WDFY3: variants seen among roughly 807,000 people sequenced by gnomAD.
WDFY3 encodes the protein WD repeat and FYVE domain containing 3.
A neutral mutation model predicts 409.6 loss-of-function variants in WDFY3; 66 were observed. That is an observed-to-expected ratio of 0.16 (90% confidence interval 0.13 to 0.20). The LOEUF (loss-of-function observed/expected upper bound fraction) is 0.20, where lower values mean the gene tolerates loss of function less well. WDFY3 is among the 10% of genes least tolerant of loss of function. The pLI, the probability that WDFY3 is intolerant of heterozygous loss-of-function variation, is 1.00. For synonymous variants in WDFY3, 1,521 were observed against 1,537.1 expected, an observed-to-expected ratio of 0.99 and a Z score of 0.25; for missense variants, 3,031 against 4,298.1, an observed-to-expected ratio of 0.71 and a Z score of 8.24.
intron 5 of WDFY3, among the ~76,000 whole-genome samples, chr4:84,845,498 G>C (rs750237035): frequency 3.3e-5 from 5 of 152,090 alleles, no homozygotes; most frequent in Non-Finnish European, 7.4e-5. Context: ...CTAGAGATCT[G>C]CTGTACAGCA....
intron 62 of WDFY3, among the ~76,000 whole-genome samples, chr4:84,686,498 A>T (rs1450511647): frequency 6.6e-6 from 1 of 152,140 alleles, no homozygotes; most frequent in Non-Finnish European, 1.5e-5. Flanking sequence ...TGACTACAAG[A>T]TAGTTGACTA....
chr4:84,674,867 C>CA (rs1387853601), intron 67 of WDFY3, among the ~76,000 whole-genome samples: 1 of 149,806 alleles, frequency 6.7e-6, no homozygotes. Context: ...GACTCCGTCT[C>CA]AAAAAAAATA....
rs529113726 is a variant in WDFY3 at position 84,796,567 on chromosome 4, C to T, written c.3121G>A (p.Val1041Ile). ...TCAAATTCAACAAAAGCTGGAGTAACTGATGACCCATGAAGTCTGATGTCA... is the reference window on the plus strand; with the variant it reads ...TCAAATTCAACAAAAGCTGGAGTAATTGATGACCCATGAAGTCTGATGTCA... The part of the protein sequence containing the change: ...PHDIRLHGSS[V>I]TPAFVEFDTS... Residue 1041 changes from valine (V) to isoleucine (I), a missense_variant, in exon 19 of 68, where the codon GTT becomes ATT. This residue lies in a region of WDFY3 where 1,322 missense variants were observed against 1,697.9 expected (regional missense o/e 0.78). Transcript: ENST00000295888. The T allele has an allele frequency of 1.2e-4, 190 of 1,608,520 alleles. 1 individual carries two copies. In the South Asian group the frequency reaches 2.0e-3, roughly 17 times the overall value.
chr4:84,766,434 A>G (rs1488868149), intron 30 of WDFY3, 62 bp from the exon 31 acceptor site: 3 of 1,465,776 alleles, frequency 2.0e-6, no homozygotes, highest in Non-Finnish European at 2.7e-6. Context: ...AATTTACAAC[A>G]TAGTTCTTGG....
In WDFY3 at chr4:84,801,820, G is replaced by C. The variant is rs529314325; in HGVS notation, c.2652C>G (p.Ser884=). 1 of 1,614,030 alleles carries C rather than the reference G, an allele frequency of 6.2e-7. No individual in the cohort carries two copies. The highest frequency in any genetic ancestry group is 1.1e-5 in the South Asian group (1 of 91,076). ...GCTGGTTCCTTTCTGTGTGCACCAG[G>C]GATTGTAAAATATTTGCCACGGCAA... The part of the protein sequence containing the change: ...LQLAVANILQ[S]LVHTERNQQV... The change falls in exon 17 of 68, where the codon TCC becomes TCG. Residue 884 remains serine, a synonymous_variant. Transcript: ENST00000295888.
At chr4:84,905,243 A>G (rs1316882472) in intron 2 of WDFY3, among the ~76,000 whole-genome samples, 1 of 152,196 alleles carries the variant, frequency 6.6e-6, no homozygotes, top group Admixed American at 6.5e-5. Context: ...GGCCGAGGCA[A>G]GAGAATAGCT....
At chr4:84,783,157 T>C (rs1026525871) in intron 24 of WDFY3, 83 bp from the exon 25 acceptor site, 1 of 1,232,234 alleles carries the variant, frequency 8.1e-7, no homozygotes, top group African/African-American at 1.5e-5. Flanking sequence ...AACACATGAA[T>C]GGTAACATAT....
chr4:84,963,377 ATGATGCCACTGCACTCCAGCC>A (rs1425171745), intron 1 of WDFY3, among the ~76,000 whole-genome samples: 1 of 151,390 alleles, frequency 6.6e-6, no homozygotes, highest in East Asian at 2.0e-4. Flanking sequence ...GTGAGCCCAG[ATGATGCCACTGCACTCCAGCC>A]TGGGCAACAC....
At chr4:84,926,864 A>C (rs1770062755) in intron 2 of WDFY3, among the ~76,000 whole-genome samples, 1 of 152,226 alleles carries the variant, frequency 6.6e-6, no homozygotes, top group South Asian at 2.1e-4. Context: ...TCTAAGAAAA[A>C]AATTATCAAT....
intron 3 of WDFY3, among the ~76,000 whole-genome samples, chr4:84,876,083 T>C (rs998122038): frequency 6.6e-6 from 1 of 152,240 alleles, no homozygotes; most frequent in Non-Finnish European, 1.5e-5. Flanking sequence ...TTGTATGTGC[T>C]ATACTTTCAT....
chr4:84,742,052 T>G (rs1014201952), intron 37 of WDFY3, 131 bp from the exon 38 acceptor site: 1 of 727,576 alleles, frequency 1.4e-6, no homozygotes, highest in Middle Eastern at 2.6e-4. Context: ...CTACTAGCTT[T>G]TATGCACTAC....
At chr4:84,817,767 G>A (rs939864298) in intron 12 of WDFY3, among the ~76,000 whole-genome samples, 182 bp from the exon 13 acceptor site, 2 of 152,058 alleles carry the variant, frequency 1.3e-5, no homozygotes, top group African/African-American at 4.8e-5. Context: ...TGTCAGCAAA[G>A]GTATATGCAA....
chr4:84,694,792 A>C (rs1196338956), intron 58 of WDFY3, among the ~76,000 whole-genome samples: 1 of 152,160 alleles, frequency 6.6e-6, no homozygotes, highest in Non-Finnish European at 1.5e-5. Flanking sequence ...TAAAAATAAA[A>C]GTAAACATGT....
chr4:84,744,131 A>C (rs1370787352), intron 36 of WDFY3, among the ~76,000 whole-genome samples: 2 of 148,212 alleles, frequency 1.3e-5, no homozygotes, highest in Non-Finnish European at 3.0e-5. Context: ...ACTATATATA[A>C]TATTGTTATA....
chr4:84,869,460 G>T (rs993746143), intron 3 of WDFY3, among the ~76,000 whole-genome samples: 6 of 151,962 alleles, frequency 3.9e-5, no homozygotes, highest in Non-Finnish European at 7.4e-5. Flanking sequence ...TTGGGTTGCT[G>T]GGTACTACAG....
chr4:84,778,754 C>T, intron 26 of WDFY3, 99 bp from the exon 27 acceptor site: 1 of 1,068,924 alleles, frequency 9.4e-7, no homozygotes, highest in Admixed American at 2.8e-5. Flanking sequence ...CACACATACA[C>T]ACACAAACAC....
At chr4:84,787,183 A>G (rs2149521935) in intron 23 of WDFY3, among the ~76,000 whole-genome samples, 1 of 152,320 alleles carries the variant, frequency 6.6e-6, no homozygotes, top group South Asian at 2.1e-4. Flanking sequence ...TAATAGGAGA[A>G]ATCACAGAAA....
chr4:84,873,369 T>G (rs1009491535), intron 3 of WDFY3, among the ~76,000 whole-genome samples: 2 of 152,184 alleles, frequency 1.3e-5, no homozygotes, highest in Non-Finnish European at 2.9e-5. Flanking sequence ...ATTTGGAAAT[T>G]AAACAACACA....
Position 84,743,709 on chromosome 4 carries a change from C to A in WDFY3, c.6064G>T (p.Val2022Leu). The A allele has an allele frequency of 6.4e-7, 1 of 1,567,888 alleles. No homozygotes were observed. Among genetic ancestry groups the A allele is most frequent in the Non-Finnish European group, 8.7e-7 (1 of 1,152,920 alleles). ...SVMDHLLAAD[V>L]LLGEDASLPI... ...AAAAACACAGAATTACCTAATAACACATCAGCTGCAAGCAAATGGTCCATC... is the reference window on the plus strand; with the variant it reads ...AAAAACACAGAATTACCTAATAACAAATCAGCTGCAAGCAAATGGTCCATC... The change falls in exon 37 of 68, where the codon GTG becomes TTG. Residue 2022 changes from valine to leucine, a missense_variant. Transcript: ENST00000295888.
Sources: gnomAD v4.1 joint callset for allele counts (sites outside exome capture counted in the v4.1 genomes callset) on GRCh38, gnomAD v4.1.1 for gene constraint, gnomAD v4.1.1 regional missense constraint, MANE v1.5 for transcripts, NCBI Gene and HGNC (gene_info 2026-07-23, HGNC 2026-07-21) for gene names.